Variants in CSF2RA observed in about 807,000 individuals in gnomAD.
The protein encoded by CSF2RA is granulocyte-macrophage colony-stimulating factor receptor subunit alpha.
In CSF2RA, 42 loss-of-function variants were observed where a neutral mutation model predicts 51.6. That is an observed-to-expected ratio of 0.81 (90% CI 0.64 to 1.05). The LOEUF (loss-of-function observed/expected upper bound fraction) is 1.05. CSF2RA is among the 50% of genes least tolerant of loss of function. The pLI is 0.00. For synonymous variants in CSF2RA, 222 were observed against 193.0 expected (o/e 1.15, Z -1.24); for missense variants, 530 against 501.1 (o/e 1.06, Z -0.55).
At chrX:1,285,113 G>T (rs549734617) in intron 3 of CSF2RA, among the ~76,000 whole-genome samples, 7 of 151,818 alleles carry the variant, frequency 4.6e-5, no homozygotes, top group African/African-American at 1.7e-4. Context: ...TTGCCCAGGC[G>T]GGATCTGAAC....
At chrX:1,289,947 GT>G (rs1225369716) in intron 6 of CSF2RA, among the ~76,000 whole-genome samples, 6 of 94,710 alleles carry the variant, frequency 6.3e-5, no homozygotes, top group African/African-American at 2.4e-4. Context: ...GTGTTTTTGT[GT>G]TTTGTTTTGT....
the CSF2RA span, among the ~76,000 whole-genome samples, chrX:1,322,435 GTTTGTT>G: frequency 1.1e-3 from 85 of 78,646 alleles, no homozygotes; most frequent in Admixed American, 3.8e-3. Context: ...AACTGTGTGT[GTTTGTT>G]TTTTTTTTTT....
downstream of CSF2RA, among the ~76,000 whole-genome samples, chrX:1,313,277 A>AC (rs2084263224): frequency 6.6e-6 from 1 of 151,872 alleles, no homozygotes; most frequent in African/African-American, 2.4e-5. Context: ...ACAAAAAAAA[A>AC]AATAAAAAAA....
rs373500219 is a variant in CSF2RA, at chrX:1,290,512, G to A, written c.646+3G>A. ...ACTTTTGGACACAAAGAAAATAGGT[G>A]AGAATAACACATATGATTTTCCTAT... On this transcript the variant is annotated splice_donor_region_variant and intron_variant, in intron 7 of 12. Transcript: ENST00000381529. 26 of 1,613,142 alleles carry A rather than the reference G, an allele frequency of 1.6e-5. No homozygotes were observed. Among genetic ancestry groups the A allele is most frequent in the African/African-American group, 4.0e-5 (3 of 74,896 alleles).
chrX:1,302,906 C>A, intron 10 of CSF2RA: 1 of 235,128 alleles, frequency 4.3e-6, no homozygotes, highest in Non-Finnish European at 7.6e-6. Context: ...GGGTCTCACT[C>A]TGTCACCCAG....
intron 1 of CSF2RA, among the ~76,000 whole-genome samples, chrX:1,272,744 G>A (rs1196575697): frequency 6.6e-6 from 1 of 150,762 alleles, no homozygotes; most frequent in Non-Finnish European, 1.5e-5. Context: ...AACCTCCTCG[G>A]CCTCCCAAAG....
Position 1,309,766 on chromosome X carries a change from T to A in CSF2RA, c.*287T>A. On this transcript the variant is annotated 3_prime_UTR_variant, in exon 13 of 13. Coordinates refer to ENST00000381529, the MANE Select transcript of CSF2RA (RefSeq NM_172245.4). ...ACCCAGGCACGGCGGCGGACGCCCA[T>A]CATCCCAGCTACTTGGGAGGCTGAG... 1 of 659,116 alleles carries A rather than the reference T, an allele frequency of 1.5e-6. No individual in the cohort carries two copies. Among genetic ancestry groups the A allele is most frequent in the Non-Finnish European group, 2.7e-6 (1 of 370,646 alleles). The allele number at this position is 659,116 out of a possible 1,614,324, so 40.8% of individuals were successfully genotyped here.
chrX:1,320,327 T>C, the CSF2RA span, among the ~76,000 whole-genome samples: 2 of 151,712 alleles, frequency 1.3e-5, no homozygotes, highest in Non-Finnish European at 2.9e-5. Flanking sequence ...TGCACCCGGC[T>C]AATGCTGTCT....
chrX:1,309,664 A>G lies in CSF2RA; in HGVS notation c.*185A>G, dbSNP rs1487994689. On this transcript the variant is annotated 3_prime_UTR_variant, in exon 13 of 13. Transcript: ENST00000381529. ...CACTTTGGGAGGCCAAGGCAGGCGGATCACCTGAGGTCAGGAGTTCAAGAC... is the reference window on the plus strand; with the variant it reads ...CACTTTGGGAGGCCAAGGCAGGCGGGTCACCTGAGGTCAGGAGTTCAAGAC... 2.9e-6 allele frequency: 4 copies of G among 1,363,616 alleles called. No homozygotes were observed. Among genetic ancestry groups the G allele is most frequent in the Non-Finnish European group, 3.1e-6 (3 of 953,794 alleles). The allele number at this position is 1,363,616 out of a possible 1,614,324, so 84.5% of individuals were successfully genotyped here.
intron 2 of CSF2RA, among the ~76,000 whole-genome samples, chrX:1,275,923 C>T (rs1367148716): frequency 6.6e-6 from 1 of 151,640 alleles, no homozygotes; most frequent in African/African-American, 2.4e-5. Flanking sequence ...AAACTTGTGA[C>T]CTCACATGAT....
chrX:1,321,765 G>C, the CSF2RA span, among the ~76,000 whole-genome samples: 1 of 152,144 alleles, frequency 6.6e-6, no homozygotes, highest in Non-Finnish European at 1.5e-5. Flanking sequence ...GCGTAGCTGA[G>C]AACGTCCACA....
intron 7 of CSF2RA, among the ~76,000 whole-genome samples, chrX:1,292,704 G>T (rs1405602552): frequency 2.0e-5 from 3 of 152,128 alleles, no homozygotes; most frequent in African/African-American, 7.2e-5. Context: ...GCCACAGGGC[G>T]GTTTTCTCCT....
Position 1,304,033 on chromosome X carries a change from C to G in CSF2RA, c.1043+14C>G. 1 of 1,605,344 alleles carries G rather than the reference C, an allele frequency of 6.2e-7. No homozygotes were observed. The highest frequency in any genetic ancestry group is 8.5e-7 in the Non-Finnish European group (1 of 1,173,562). Reference sequence around the variant, plus strand: ...CCTCTTTAAAAGGTAACCTGTGAAACACCTGGGCCTCCCCAATGAAAACAG... The same window carrying G: ...CCTCTTTAAAAGGTAACCTGTGAAAGACCTGGGCCTCCCCAATGAAAACAG... On this transcript the variant is annotated intron_variant, in intron 11 of 12. Transcript: ENST00000381529.
chrX:1,269,339 G>A (rs28478213), intron 1 of CSF2RA, among the ~76,000 whole-genome samples: 42,538 of 151,912 alleles, frequency 0.28, 7,090 homozygotes, highest in East Asian at 0.56. Flanking sequence ...AGATGAACGC[G>A]GCCGGGCGTG....
chrX:1,300,123 G>A (rs1376536861), intron 9 of CSF2RA: 1 of 199,338 alleles, frequency 5.0e-6, no homozygotes, highest in African/African-American at 2.4e-5. Flanking sequence ...GGAGGCTGAG[G>A]CAGGAGAATG....
At chrX:1,294,923 T>A (rs2091780262) in intron 8 of CSF2RA, among the ~76,000 whole-genome samples, 1 of 151,958 alleles carries the variant, frequency 6.6e-6, no homozygotes, top group South Asian at 2.1e-4. Context: ...CAGGAGGAGT[T>A]CTTGTCCCAC....
chrX:1,316,260 T>TGATAGATA, the CSF2RA span, among the ~76,000 whole-genome samples: 789 of 94,128 alleles, frequency 8.4e-3, 6 homozygotes, highest in South Asian at 0.015. Context: ...ATTAGATAGA[T>TGATAGATA]GATAGATAGA....
At chrX:1,282,192 G>A (rs1236812919) in intron 2 of CSF2RA, 11 of 178,950 alleles carry the variant, frequency 6.1e-5, no homozygotes, top group South Asian at 3.3e-4. Flanking sequence ...GTGACAGAGC[G>A]TGACTTTGTC....
chrX:1,288,757 A>G lies in CSF2RA; in HGVS notation c.344-2A>G, dbSNP rs1202003137. 1.9e-6 allele frequency: 3 copies of G among 1,613,750 alleles called. No individual in the cohort carries two copies. The highest frequency in any genetic ancestry group is 2.5e-6 in the Non-Finnish European group (3 of 1,179,852). ...AATTATTTTGTTTCTACCTCTTCCC[A>G]GGAAGGGAGGGTACCGCTGCTCAGA... On this transcript the variant is annotated splice_acceptor_variant, in intron 5 of 12. Coordinates refer to ENST00000381529, the MANE Select transcript of CSF2RA (RefSeq NM_172245.4). LOFTEE classifies it high-confidence loss of function.
Sources: allele counts gnomAD v4.1 joint callset (sites outside exome capture counted in the v4.1 genomes callset), GRCh38; gene constraint gnomAD v4.1.1; transcripts MANE v1.5; gene names NCBI Gene and HGNC (gene_info 2026-07-23, HGNC 2026-07-21).